CCDC169: variants seen among roughly 807,000 people sequenced by gnomAD.
CCDC169 encodes the protein coiled-coil domain containing 169, also known as coiled-coil domain-containing protein 169.
A neutral mutation model predicts 36.0 loss-of-function variants in CCDC169; 30 were observed. The observed-to-expected ratio is 0.83, with a 90% CI of 0.62 to 1.13. CCDC169 has a LOEUF of 1.13. CCDC169 is among the 50% of genes most tolerant of loss of function. The pLI is 0.00. For missense variants in CCDC169, 245 were observed against 245.9 expected (o/e 1.00, Z 0.03); for synonymous variants, 85 against 81.5 (o/e 1.04, Z -0.23).
rs1873511090 is a variant in CCDC169 at position 36,254,047 on chromosome 13, T to C, written c.412A>G (p.Lys138Glu). The change falls in exon 5 of 8, where the codon AAG (lysine) becomes GAG (glutamate). Residue 138 changes from lysine to glutamate, a missense_variant and splice_region_variant. By Grantham distance (56) the Lys-to-Glu change is moderately conservative (BLOSUM62 1). Transcript: ENST00000239859. The part of the protein sequence containing the change: ...YYALKLEQES[K>E]AYQKINNERR... ...CTAAGTATAGAGTAAAAACAAACCT[T>C]TGATTCTTGTTCCAGTTTAAGTGCA... 2 of 1,543,300 alleles carry C rather than the reference T, an allele frequency of 1.3e-6. No individual in the cohort carries two copies. The highest frequency in any genetic ancestry group is 2.8e-5 in the African/African-American group (2 of 72,526).
In CCDC169 at chr13:36,254,215, T is replaced by C. The variant is rs117304245; in HGVS notation, c.316-72A>G. ...AAAATAAGAAATGACCATCAATTTC[T>C]TCACTAGTAAATGCCTTGTATACCT... On this transcript the variant is annotated intron_variant, in intron 4 of 7. Transcript: ENST00000239859. 1,433 of 1,073,110 alleles carry C rather than the reference T, an allele frequency of 1.3e-3. 8 individuals are homozygous for C. The highest frequency in any genetic ancestry group is 7.5e-3 in the East Asian group (277 of 37,078). The allele number at this position is 1,073,110 out of a possible 1,614,324, so 66.5% of individuals were successfully genotyped here.
intron 7 of CCDC169, among the ~76,000 whole-genome samples, chr13:36,244,009 C>G (rs1026674520): frequency 1.3e-5 from 2 of 152,030 alleles, no homozygotes; most frequent in African/African-American, 4.8e-5. Flanking sequence ...CGAAATATTC[C>G]CCTCTTCACT....
chr13:36,240,823 A>T (rs1355475202), intron 7 of CCDC169, among the ~76,000 whole-genome samples: 1 of 152,170 alleles, frequency 6.6e-6, no homozygotes, highest in Non-Finnish European at 1.5e-5. Flanking sequence ...GCGACAGTCA[A>T]TAAAGTTACC....
chr13:36,288,162 C>A (rs1878471760), intron 2 of CCDC169, among the ~76,000 whole-genome samples: 1 of 152,028 alleles, frequency 6.6e-6, no homozygotes, highest in Non-Finnish European at 1.5e-5. Context: ...GCGCCCATCA[C>A]CATGCCTGGC....
chr13:36,230,640 A>G, downstream of CCDC169: 1 of 373,002 alleles, frequency 2.7e-6, no homozygotes, highest in Non-Finnish European at 3.7e-6. Context: ...GGAAATAAAC[A>G]TGAGGTGAAG....
intron 4 of CCDC169, chr13:36,280,090 A>G: frequency 6.6e-6 from 1 of 152,114 alleles, no homozygotes; most frequent in East Asian, 1.9e-4. Context: ...ACATGAATGG[A>G]ATTAAATAAT....
At chr13:36,261,742 T>G (rs1294932602) in intron 4 of CCDC169, among the ~76,000 whole-genome samples, 1 of 152,190 alleles carries the variant, frequency 6.6e-6, no homozygotes, top group Non-Finnish European at 1.5e-5. Flanking sequence ...GAAGATAACA[T>G]GTGCCTGTTC....
At chr13:36,255,569 G>A (rs1355190273) in intron 4 of CCDC169, among the ~76,000 whole-genome samples, 1 of 150,860 alleles carries the variant, frequency 6.6e-6, no homozygotes, top group Non-Finnish European at 1.5e-5. Context: ...GGCTGAGGAA[G>A]GAGAATCGCT....
chr13:36,288,627 T>G (rs1427877578), intron 2 of CCDC169, among the ~76,000 whole-genome samples: 3 of 152,192 alleles, frequency 2.0e-5, no homozygotes, highest in Non-Finnish European at 4.4e-5. Flanking sequence ...GTTCAGGATT[T>G]CTTGCTTCCT....
At chr13:36,259,175 C>A (rs9575681) in intron 4 of CCDC169, among the ~76,000 whole-genome samples, 1 of 151,914 alleles carries the variant, frequency 6.6e-6, no homozygotes. Context: ...TAGTGAGGGC[C>A]GAGAGCAGGA....
chr13:36,230,401 C>G (rs1240582990), downstream of CCDC169, among the ~76,000 whole-genome samples: 3 of 152,172 alleles, frequency 2.0e-5, no homozygotes, highest in Non-Finnish European at 4.4e-5. Flanking sequence ...CAAAAGAACT[C>G]TTTTCTTATC....
At chr13:36,261,083 G>C (rs192695983) in intron 4 of CCDC169, among the ~76,000 whole-genome samples, 2 of 152,120 alleles carry the variant, frequency 1.3e-5, no homozygotes, top group African/African-American at 2.4e-5. Flanking sequence ...CCTGTATTGC[G>C]CAGTAATTTT....
downstream of CCDC169, chr13:36,227,368 CTTT>C: frequency 1.3e-6 from 2 of 1,545,412 alleles, no homozygotes; most frequent in Non-Finnish European, 1.7e-6. Context: ...TCCAATTCTT[CTTT>C]TAAGAGGAGG....
intron 7 of CCDC169, among the ~76,000 whole-genome samples, chr13:36,238,279 A>G (rs1478404311): frequency 1.3e-5 from 2 of 152,132 alleles, no homozygotes; most frequent in African/African-American, 4.8e-5. Context: ...ATTTTAAAAA[A>G]GTTTTTAAAT....
chr13:36,253,345 T>A (rs1205059180), intron 6 of CCDC169, among the ~76,000 whole-genome samples: 11 of 150,458 alleles, frequency 7.3e-5, no homozygotes, highest in Non-Finnish European at 1.0e-4. Context: ...TTTTACTTTT[T>A]TTTTTTTTTC....
chr13:36,276,371 G>C (rs1401287765), intron 4 of CCDC169, among the ~76,000 whole-genome samples: 1 of 152,122 alleles, frequency 6.6e-6, no homozygotes. Flanking sequence ...ATATTCATTA[G>C]AACATATTCA....
intron 4 of CCDC169, among the ~76,000 whole-genome samples, chr13:36,258,019 T>C (rs1464082822): frequency 1.3e-5 from 2 of 152,194 alleles, no homozygotes; most frequent in Non-Finnish European, 2.9e-5. Context: ...CCTGGTGTGA[T>C]GGATGAGACC....
intron 4 of CCDC169, among the ~76,000 whole-genome samples, chr13:36,255,045 C>A (rs1362965536): frequency 6.6e-6 from 1 of 152,084 alleles, no homozygotes; most frequent in African/African-American, 2.4e-5. Flanking sequence ...TTCCAGAGTG[C>A]CCAGAGTGCT....
chr13:36,255,278 C>T (rs1873722758), intron 4 of CCDC169, among the ~76,000 whole-genome samples: 1 of 152,108 alleles, frequency 6.6e-6, no homozygotes, highest in African/African-American at 2.4e-5. Context: ...TGCTGAGACC[C>T]CATCATGCGT....
Sources: allele counts gnomAD v4.1 joint callset (sites outside exome capture counted in the v4.1 genomes callset), GRCh38; gene constraint gnomAD v4.1.1; transcripts MANE v1.5; gene names NCBI Gene and HGNC (gene_info 2026-07-23, HGNC 2026-07-21).